Variants in OLA1 observed in about 807,000 individuals in gnomAD.
OLA1 encodes the protein Obg like ATPase 1.
In OLA1, 14 loss-of-function variants were observed where a neutral mutation model predicts 48.4. The ratio of observed to expected loss-of-function variants is 0.29; its 90% CI spans 0.19 to 0.45. The LOEUF is 0.45. Among genes scored for constraint, OLA1 ranks in the 20% least tolerant of loss-of-function variants. OLA1 has a pLI of 1.00. For missense variants in OLA1, 325 were observed against 467.1 expected (o/e 0.70, Z 2.80); for synonymous variants, 127 against 150.4 (o/e 0.84, Z 1.14).
intron 2 of OLA1, among the ~76,000 whole-genome samples, chr2:174,238,697 C>T (rs1363713907): frequency 6.6e-6 from 1 of 151,906 alleles, no homozygotes; most frequent in African/African-American, 2.4e-5. Context: ...ACATGTGACC[C>T]AGAAATTCTA....
intron 2 of OLA1, among the ~76,000 whole-genome samples, chr2:174,238,891 C>T (rs1180182766): frequency 6.6e-6 from 1 of 151,892 alleles, no homozygotes; most frequent in Non-Finnish European, 1.5e-5. Flanking sequence ...GAGGACATGT[C>T]AAAAGGAATA....
intron 2 of OLA1, among the ~76,000 whole-genome samples, chr2:174,233,067 T>G (rs945905314): frequency 6.6e-6 from 1 of 152,214 alleles, no homozygotes; most frequent in Non-Finnish European, 1.5e-5. Flanking sequence ...GAATAAACTT[T>G]AAGGACACTA....
chr2:174,192,496 T>A (rs1687795463), intron 4 of OLA1, among the ~76,000 whole-genome samples: 1 of 152,190 alleles, frequency 6.6e-6, no homozygotes, highest in Admixed American at 6.5e-5. Context: ...ACACGACAAC[T>A]GCAAAGTTGA....
intron 2 of OLA1, among the ~76,000 whole-genome samples, chr2:174,229,803 T>A (rs1047234342): frequency 1.3e-5 from 2 of 152,202 alleles, no homozygotes; most frequent in Non-Finnish European, 2.9e-5. Context: ...CATCCATACC[T>A]AACAAAACCT....
intron 4 of OLA1, among the ~76,000 whole-genome samples, chr2:174,218,788 G>A (rs1331484160): frequency 6.6e-6 from 1 of 152,006 alleles, no homozygotes; most frequent in Non-Finnish European, 1.5e-5. Flanking sequence ...TTATTTGGGG[G>A]TAAACAAACT....
In OLA1 at chr2:174,075,210, C is replaced by G; in HGVS notation, c.*216G>C. The G allele has an allele frequency of 2.2e-6, 1 of 447,596 alleles. No individual in the cohort carries two copies. Among genetic ancestry groups the G allele is most frequent in the African/African-American group, 2.2e-5 (1 of 44,920 alleles). The allele number at this position is 447,596 out of a possible 1,614,324, so 27.7% of individuals were successfully genotyped here. A position where few individuals can be genotyped will look rare whatever the true frequency, so the allele number is the denominator to read the frequency against. On this transcript the variant is annotated 3_prime_UTR_variant, in exon 11 of 11. Coordinates refer to ENST00000284719, the MANE Select transcript of OLA1 (RefSeq NM_013341.5). ...ACAATTTGGAGTAGGGTCTTAATCA[C>G]GTGAAAAGCAAAGCTGTTCACATTT...
chr2:174,093,534 A>C (rs1299779838), intron 7 of OLA1, among the ~76,000 whole-genome samples: 2 of 152,128 alleles, frequency 1.3e-5, no homozygotes, highest in East Asian at 3.9e-4. Flanking sequence ...CAACAAAAAA[A>C]CAACTAAATT....
At position 174,169,365 on chromosome 2, in the gene OLA1, G is replaced by C. The variant is rs1455970348; in HGVS notation, c.374-27365C>G. Among the ~76,000 whole-genome samples, 4 of 152,332 alleles carry C rather than the reference G, an allele frequency of 2.6e-5. No homozygotes were observed. The East Asian group carries it at 7.7e-4, about 29-fold the overall frequency. On this transcript the variant is annotated intron_variant, in intron 4 of 10. Coordinates refer to ENST00000284719, the MANE Select transcript of OLA1 (RefSeq NM_013341.5). ...TATTGAAAGCAATTTACAAATTGAA[G>C]TGCAATGCTAAGACATACAATAGCA... is the stretch of plus-strand genomic sequence containing the variant.
chr2:174,164,329 GT>G (rs934175517), intron 4 of OLA1, among the ~76,000 whole-genome samples: 1 of 63,714 alleles, frequency 1.6e-5, no homozygotes, highest in Non-Finnish European at 2.9e-5. Flanking sequence ...AGGTTAGAAG[GT>G]TAGAGTTGGC....
intron 4 of OLA1, among the ~76,000 whole-genome samples, chr2:174,188,976 T>C (rs1687716635): frequency 6.6e-6 from 1 of 152,150 alleles, no homozygotes; most frequent in African/African-American, 2.4e-5. Context: ...ATCTTAATTA[T>C]ATAAAAGGTA....
intron 4 of OLA1, among the ~76,000 whole-genome samples, chr2:174,181,405 C>A (rs900821025): frequency 1.3e-5 from 2 of 152,026 alleles, no homozygotes; most frequent in Non-Finnish European, 2.9e-5. Context: ...TGGTGTTTTT[C>A]TTTTATGTTC....
In OLA1 at chr2:174,075,349, G is replaced by A; in HGVS notation, c.*77C>T. 1.3e-6 allele frequency: 1 copy of A among 769,016 alleles called. No individual in the cohort carries two copies. The highest frequency in any genetic ancestry group is 2.2e-6 in the Non-Finnish European group (1 of 460,412). The allele number at this position is 769,016 out of a possible 1,614,324, so 47.6% of individuals were successfully genotyped here. ...TCTCCCCAACTTTATTTGTCGCATTGGTTTTCAGAAATTTTAATTTTTTAA... is the reference window on the plus strand; with the variant it reads ...TCTCCCCAACTTTATTTGTCGCATTAGTTTTCAGAAATTTTAATTTTTTAA... On this transcript the variant is annotated 3_prime_UTR_variant, in exon 11 of 11. Transcript: ENST00000284719.
chr2:174,081,857 C>T, intron 8 of OLA1, 67 bp downstream of exon 8: 2 of 1,450,692 alleles, frequency 1.4e-6, no homozygotes, highest in South Asian at 2.3e-5. Flanking sequence ...TCTATCAGCG[C>T]AAGCAATTAA....
At position 174,077,049 on chromosome 2, in the gene OLA1, A is replaced by G. The variant is rs559432079; in HGVS notation, c.1090-1522T>C. On this transcript the variant is annotated intron_variant, in intron 10 of 10. Coordinates refer to ENST00000284719, the MANE Select transcript of OLA1 (RefSeq NM_013341.5). ...TGTTCCTTTAAATTCTCTAGAGACC[A>G]TTTAATCCATTTCCACTGCTATCAG... Among the ~76,000 whole-genome samples, 4 of 152,208 alleles carry G rather than the reference A, an allele frequency of 2.6e-5. No homozygotes were observed. In the East Asian group the frequency reaches 7.7e-4, roughly 29 times the overall value.
intron 4 of OLA1, among the ~76,000 whole-genome samples, chr2:174,179,569 A>C (rs1403128414): frequency 6.6e-6 from 1 of 151,986 alleles, no homozygotes; most frequent in Non-Finnish European, 1.5e-5. Context: ...ATGTGGGATA[A>C]ACATATAAAG....
intron 4 of OLA1, among the ~76,000 whole-genome samples, chr2:174,192,520 C>G (rs1687795694): frequency 6.6e-6 from 1 of 152,152 alleles, no homozygotes; most frequent in African/African-American, 2.4e-5. Flanking sequence ...GTTTCAAAAA[C>G]CATATGACCC....
At chr2:174,227,957 C>T (rs570336819) in intron 3 of OLA1, among the ~76,000 whole-genome samples, 5 of 152,158 alleles carry the variant, frequency 3.3e-5, no homozygotes, top group East Asian at 1.9e-4. Flanking sequence ...AGACTGGATA[C>T]GGGGTGAGGG....
At chr2:174,136,911 G>A (rs1026276051) in intron 5 of OLA1, among the ~76,000 whole-genome samples, 9 of 151,810 alleles carry the variant, frequency 5.9e-5, no homozygotes, top group Non-Finnish European at 1.3e-4. Context: ...TCCTGACCTC[G>A]TGATCTACCC....
chr2:174,166,220 C>CATTTAATTTTTGTAA (rs1687161361), intron 4 of OLA1, among the ~76,000 whole-genome samples: 2 of 151,702 alleles, frequency 1.3e-5, no homozygotes, highest in Admixed American at 6.6e-5. Context: ...TAATTTTTGA[C>CATTTAATTTTTGTAA]CTAATTCAGA....
Sources: gnomAD v4.1 joint callset for allele counts (sites outside exome capture counted in the v4.1 genomes callset) on GRCh38, gnomAD v4.1.1 for gene constraint, MANE v1.5 for transcripts, NCBI Gene and HGNC (gene_info 2026-07-23, HGNC 2026-07-21) for gene names.